The following OR3A2 variants were observed in gnomAD, a reference collection of about 807,000 sequenced individuals.
OR3A2 encodes the protein olfactory receptor family 3 subfamily A member 2.
For synonymous variants in OR3A2, 126 were observed against 159.3 expected, an observed-to-expected ratio of 0.79 and a Z score of 1.57; for missense variants, 318 against 392.8, an observed-to-expected ratio of 0.81 and a Z score of 1.61.
At chr17:3,343,494 G>T (rs1364050144) in intron 2 of OR3A2, among the ~76,000 whole-genome samples, 2 of 152,208 alleles carry the variant, frequency 1.3e-5, no homozygotes, top group Non-Finnish European at 2.9e-5. Flanking sequence ...TTTGGAGAAT[G>T]CTGAGATTTT....
rs571384380 is a variant in OR3A2 at position 3,343,301 on chromosome 17, C to T, written c.-178-7175G>A. 8.9e-4 allele frequency among the ~76,000 whole-genome samples: 135 copies of T among 152,250 alleles called. 1 individual carries two copies. The highest frequency in any genetic ancestry group is 8.4e-4 in the Non-Finnish European group (57 of 68,020). On this transcript the variant is annotated intron_variant, in intron 2 of 4. Coordinates refer to the OR3A2 transcript ENST00000573491. ...CAGTTCCAATGAGATGAACCAGGTACCTCAGTTGGAAAAGCAGAAATCACC... is the reference window on the plus strand; with the variant it reads ...CAGTTCCAATGAGATGAACCAGGTATCTCAGTTGGAAAAGCAGAAATCACC...
In OR3A2 at chr17:3,359,187, T is replaced by A. The variant is rs1004354853; in HGVS notation, c.-178-23061A>T. 2.0e-5 allele frequency among the ~76,000 whole-genome samples: 3 copies of A among 151,722 alleles called. 1 individual carries two copies. The highest frequency in any genetic ancestry group is 7.3e-5 in the African/African-American group (3 of 41,022). ...TGAGTGTTGTTTTGTGTGAGATGGG[T>A]CTCATGAAGGCAGAATACTACTGGA... is the stretch of plus-strand genomic sequence containing the variant. On this transcript the variant is annotated intron_variant, in intron 2 of 4. Transcript: ENST00000573491.
chr17:3,302,381 G>A (rs917278906), intron 3 of OR3A2, among the ~76,000 whole-genome samples: 1 of 152,144 alleles, frequency 6.6e-6, no homozygotes, highest in Non-Finnish European at 1.5e-5. Flanking sequence ...GCATGGTACT[G>A]GTACCAAAAC....
At position 3,371,800 on chromosome 17, in the gene OR3A2, C is replaced by T. The variant is rs1186602275; in HGVS notation, c.-179+12004G>A. On this transcript the variant is annotated intron_variant, in intron 2 of 4. Coordinates refer to the OR3A2 transcript ENST00000573491. ...GCAGAGGCGCCCCTCACCTCCTGGC[C>T]GGGGCGGCTGGCCGGGCGGGGGGCT... 6.0e-5 allele frequency among the ~76,000 whole-genome samples: 8 copies of T among 134,168 alleles called. 1 individual carries two copies. The highest frequency in any genetic ancestry group is 2.4e-4 in the East Asian group (1 of 4,108). 88.0% of individuals were successfully genotyped at this position (134,168 alleles called of 152,430 possible). A position where few individuals can be genotyped will look rare whatever the true frequency, so the allele number is the denominator to read the frequency against.
chr17:3,360,514 T>A (rs1372285834), intron 2 of OR3A2, among the ~76,000 whole-genome samples: 2 of 151,762 alleles, frequency 1.3e-5, no homozygotes, highest in East Asian at 1.9e-4. Flanking sequence ...CTGAATGGTA[T>A]TGCATAGGTT....
At chr17:3,284,078 C>T (rs1445525905) in intron 1 of OR3A2, among the ~76,000 whole-genome samples, 1 of 148,834 alleles carries the variant, frequency 6.7e-6, no homozygotes, top group East Asian at 2.0e-4. Flanking sequence ...TTCGCTGGAG[C>T]GAGGGTTCCC....
intron 1 of OR3A2, among the ~76,000 whole-genome samples, chr17:3,280,372 C>T (rs959553083): frequency 5.3e-5 from 8 of 151,532 alleles, no homozygotes; most frequent in South Asian, 2.1e-4. Context: ...CCTGGGTTCA[C>T]GCCATTCTCC....
chr17:3,331,682 A>C (rs543937616), intron 3 of OR3A2, among the ~76,000 whole-genome samples: 13 of 151,508 alleles, frequency 8.6e-5, no homozygotes, highest in African/African-American at 3.2e-4. Flanking sequence ...AGCTCAGAGT[A>C]ATTTGATAGT....
intron 2 of OR3A2, among the ~76,000 whole-genome samples, chr17:3,382,249 T>C (rs150581527): frequency 3.0e-4 from 45 of 152,304 alleles, no homozygotes; most frequent in African/African-American, 1.1e-3. Flanking sequence ...AACGGGATAT[T>C]TGTATGAGTG....
intron 3 of OR3A2, chr17:3,310,759 T>C (rs756056527): frequency 1.8e-6 from 1 of 562,166 alleles, no homozygotes; most frequent in Non-Finnish European, 3.6e-6. Flanking sequence ...CTGGTGGGCA[T>C]GTCATGTGTC....
chr17:3,382,583 T>C (rs112812293), intron 2 of OR3A2, among the ~76,000 whole-genome samples: 1 of 152,240 alleles, frequency 6.6e-6, no homozygotes, highest in Non-Finnish European at 1.5e-5. Flanking sequence ...CCTCATGTCC[T>C]ATTTTCCTCC....
intron 2 of OR3A2, among the ~76,000 whole-genome samples, chr17:3,338,933 T>C (rs959398715): frequency 6.6e-6 from 1 of 152,166 alleles, no homozygotes; most frequent in African/African-American, 2.4e-5. Context: ...TCTGTCCTCT[T>C]TTATTTTGTT....
intron 3 of OR3A2, among the ~76,000 whole-genome samples, chr17:3,318,727 T>G (rs557579138): frequency 1.3e-5 from 2 of 152,310 alleles, no homozygotes; most frequent in East Asian, 3.9e-4. Flanking sequence ...GAACCATAAT[T>G]TGATGTGTTT....
chr17:3,360,792 C>A (rs2049507006), intron 2 of OR3A2, among the ~76,000 whole-genome samples: 1 of 151,618 alleles, frequency 6.6e-6, no homozygotes, highest in Non-Finnish European at 1.5e-5. Flanking sequence ...TGTTTTGGTA[C>A]TAGTACCATG....
intron 3 of OR3A2, among the ~76,000 whole-genome samples, chr17:3,307,590 C>T (rs1372057722): frequency 1.2e-4 from 18 of 152,234 alleles, no homozygotes; most frequent in Admixed American, 1.1e-3. Context: ...AGTCCTCTAA[C>T]CCTTTATCTT....
chr17:3,297,654 C>T (rs1464931919), intron 3 of OR3A2, among the ~76,000 whole-genome samples: 1 of 149,080 alleles, frequency 6.7e-6, no homozygotes, highest in Admixed American at 6.6e-5. Flanking sequence ...TTGTGGCTTG[C>T]CAACAGATTT....
chr17:3,323,587 T>C (rs2049144694), intron 3 of OR3A2, among the ~76,000 whole-genome samples: 1 of 152,256 alleles, frequency 6.6e-6, no homozygotes, highest in Admixed American at 6.5e-5. Context: ...TGCTTGTCTG[T>C]AAAGGGTTTT....
At chr17:3,378,726 C>T (rs2049707057) in intron 2 of OR3A2, among the ~76,000 whole-genome samples, 1 of 152,144 alleles carries the variant, frequency 6.6e-6, no homozygotes, top group Non-Finnish European at 1.5e-5. Flanking sequence ...CAGGTACTTC[C>T]CACATGCCCA....
intron 2 of OR3A2, among the ~76,000 whole-genome samples, chr17:3,380,229 A>G (rs1047679189): frequency 5.3e-5 from 8 of 152,182 alleles, no homozygotes; most frequent in African/African-American, 1.2e-4. Flanking sequence ...CAGAAGAATC[A>G]TGGCAGAAAG....
Sources: gnomAD v4.1 joint callset for allele counts (sites outside exome capture counted in the v4.1 genomes callset) on GRCh38, gnomAD v4.1.1 for gene constraint, MANE v1.5 for transcripts, NCBI Gene and HGNC (gene_info 2026-07-23, HGNC 2026-07-21) for gene names.